Variants in PSMB8 observed in about 807,000 individuals in gnomAD.
PSMB8 encodes proteasome subunit beta type-8.
Under a neutral mutation model 32.3 loss-of-function variants are expected in PSMB8, and 20 were observed. The ratio of observed to expected loss-of-function variants is 0.62; its 90% CI spans 0.44 to 0.90. The LOEUF is 0.90. Ranked by LOEUF, PSMB8 falls within the 40% of genes least tolerant of loss-of-function variation. The probability of loss-of-function intolerance (pLI) is 0.00; values close to 1 mark genes in which losing one functional copy is unlikely to be tolerated. For synonymous variants in PSMB8, 131 were observed against 135.4 expected, an observed-to-expected ratio of 0.97 and a Z score of 0.23; for missense variants, 342 against 365.4, an observed-to-expected ratio of 0.94 and a Z score of 0.52.
rs149503824 is a variant in PSMB8 at position 32,843,600 on chromosome 6, G to C, written c.147+250C>G. Among the ~76,000 whole-genome samples, 1,176 of 152,270 alleles carry C rather than the reference G, an allele frequency of 7.7e-3. 12 individuals carry two copies. The highest frequency in any genetic ancestry group is 0.027 in the African/African-American group (1,109 of 41,566). ...GCTCCACCATTTGTGTGTGGACAAG[G>C]GCAGGAAAGTTCTCTTGTCTTCCTT... On this transcript the variant is annotated intron_variant, in intron 1 of 5. Coordinates refer to ENST00000374882, the MANE Select transcript of PSMB8 (RefSeq NM_148919.4).
At chr6:32,843,821 A>G in intron 1 of PSMB8, 29 bp downstream of exon 1, 1 of 1,611,542 alleles carries the variant, frequency 6.2e-7, no homozygotes, top group Non-Finnish European at 8.5e-7. Context: ...GCCTCCCTGC[A>G]TCCCTAGGGG....
At chr6:32,843,787 G>C in intron 1 of PSMB8, 63 bp downstream of exon 1, 1 of 1,596,914 alleles carries the variant, frequency 6.3e-7, no homozygotes. Context: ...CTCCTCTCAG[G>C]CGACCCTCCA....
chr6:32,842,113 T>C, intron 4 of PSMB8, 21 bp downstream of exon 4: 2 of 1,613,034 alleles, frequency 1.2e-6, no homozygotes, highest in Non-Finnish European at 1.7e-6. Flanking sequence ...TGGGGGAACA[T>C]GAAGAATGGA....
rs1769954710 is a variant in PSMB8 at position 32,842,236 on chromosome 6, AC to A, written c.434del (p.Arg145LeufsTer14). The A allele has an allele frequency of 6.2e-7, 1 of 1,613,040 alleles. No homozygotes were observed. Among genetic ancestry groups the A allele is most frequent in the African/African-American group, 1.3e-5 (1 of 74,956 alleles). On this transcript the variant is annotated frameshift_variant, in exon 4 of 6. Coordinates refer to ENST00000374882, the MANE Select transcript of PSMB8 (RefSeq NM_148919.4). LOFTEE classifies it high-confidence loss of function. ...GCTTGGAGGCTGCCGACACTGAAAT[AC>A]GTTCTCCATTTCGCAGATAGTACAG... ...CRLYYLRNGE[R>X]ISVSAASKLL...
chr6:32,842,673 T>A lies in PSMB8; in HGVS notation c.406A>T (p.Arg136Trp). ...YWERLLAKEC[R>W]LYYLRNGERI... is the part of the protein sequence containing the mutation. The stretch of plus-strand genomic sequence containing the variant: ...AGGAAGATGAGAGGCCTCGCTTACC[T>A]GCATTCCTTGGCCAGCAGGCGCTCC... The change falls in exon 3 of 6, where the codon AGG becomes TGG. Residue 136 changes from arginine to tryptophan, a missense_variant and splice_region_variant. Physicochemically the swap from Arg to Trp is moderately radical, Grantham distance 101 (BLOSUM62 -3). Transcript: ENST00000374882. 1 of 1,613,068 alleles carries A rather than the reference T, an allele frequency of 6.2e-7. No homozygotes were observed. Among genetic ancestry groups the A allele is most frequent in the Non-Finnish European group, 8.5e-7 (1 of 1,179,220 alleles).
In PSMB8 at chr6:32,841,538, A is replaced by G. The variant is rs777551808; in HGVS notation, c.735T>C (p.Val245=). 3.7e-6 allele frequency: 6 copies of G among 1,612,070 alleles called. No homozygotes were observed. In the Admixed American group the frequency reaches 8.3e-5, roughly 22 times the overall value. Residue 245 remains valine (V), a synonymous_variant, in exon 5 of 6, where the codon GTT becomes GTC. Transcript: ENST00000374882. ...ATHRDSYSGG[V]VNMYHMKEDG... is the part of the protein sequence containing the mutation. The stretch of plus-strand genomic sequence containing the variant: ...GGAGCATTGGTCTCTTACTATTGAC[A>G]ACGCCTCCAGAATAGCTGTCTCTGT...
At position 32,843,048 on chromosome 6, in the gene PSMB8, C is replaced by A. The variant is rs752051688; in HGVS notation, c.189G>T (p.Arg63Ser). Residue 63 changes from arginine (R) to serine (S), a missense_variant, in exon 2 of 6, where the codon AGG becomes AGT. Arg to Ser is a moderately radical substitution (Grantham distance 110, BLOSUM62 -1). Transcript: ENST00000374882. Reference sequence around the variant, plus strand: ...CATGGGCCATCTCAATCTGAACGTTCCTTTCTCCGTCCCCACCCAGGGACT... The same window carrying A: ...CATGGGCCATCTCAATCTGAACGTTACTTTCTCCGTCCCCACCCAGGGACT... ...FFQSLGGDGERNVQIEMAHGT... is the reference protein window; with the variant it reads ...FFQSLGGDGESNVQIEMAHGT... 4 of 1,613,098 alleles carry A rather than the reference C, an allele frequency of 2.5e-6. No homozygotes were observed. In the Admixed American group the frequency reaches 5.0e-5, roughly 20 times the overall value.
intron 5 of PSMB8, 47 bp downstream of exon 5, chr6:32,841,484 C>A: frequency 6.3e-7 from 1 of 1,587,302 alleles, no homozygotes; most frequent in South Asian, 1.1e-5. Flanking sequence ...CCCCCCACCA[C>A]CCGCCGACTC....
In PSMB8 at chr6:32,842,664, TC is replaced by T. The variant is rs1769989259; in HGVS notation, c.407+7del. The T allele has an allele frequency of 2.5e-6, 4 of 1,608,956 alleles. No individual in the cohort carries two copies. In the South Asian group the frequency reaches 4.4e-5, roughly 18 times the overall value. ...GGCTAAGAAAGGAAGATGAGAGGCC[TC>T]GCTTACCTGCATTCCTTGGCCAGCA... On this transcript the variant is annotated splice_region_variant and intron_variant, in intron 3 of 5. Transcript: ENST00000374882.
At chr6:32,842,531 T>A in intron 3 of PSMB8, 141 bp downstream of exon 3, 1 of 910,342 alleles carries the variant, frequency 1.1e-6, no homozygotes, top group South Asian at 1.4e-5. Context: ...GGGAGAAGGG[T>A]CTTATCACCA....
upstream of PSMB8, chr6:32,844,185 G>C (rs562152583): frequency 5.8e-5 from 90 of 1,546,280 alleles, no homozygotes; most frequent in African/African-American, 5.3e-4. Flanking sequence ...TATGGGGGTC[G>C]GGGGAATGAT....
chr6:32,841,499 C>T (rs768133070), intron 5 of PSMB8, 32 bp downstream of exon 5: 1 of 1,604,844 alleles, frequency 6.2e-7, no homozygotes, highest in Non-Finnish European at 8.5e-7. Context: ...CGACTCCTCC[C>T]AGGCATGGTG....
In PSMB8 at chr6:32,841,039, T is replaced by C; in HGVS notation, c.751A>G (p.Met251Val). 1 of 1,609,022 alleles carries C rather than the reference T, an allele frequency of 6.2e-7. No homozygotes were observed. The highest frequency in any genetic ancestry group is 8.5e-7 in the Non-Finnish European group (1 of 1,175,286). The change falls in exon 6 of 6, where the codon ATG becomes GTG. Residue 251 changes from methionine (M) to valine (V), a missense_variant. Physicochemically the swap from Met to Val is conservative, Grantham distance 21 (BLOSUM62 1). Coordinates refer to ENST00000374882, the MANE Select transcript of PSMB8 (RefSeq NM_148919.4). Reference sequence around the variant, plus strand: ...ACTTTCACCCAACCATCTTCCTTCATGTGGTACACTGTGGACAAATGAGAA... The same window carrying C: ...ACTTTCACCCAACCATCTTCCTTCACGTGGTACACTGTGGACAAATGAGAA... ...YSGGVVNMYH[M>V]KEDGWVKVES...
Position 32,841,059 on chromosome 6 carries a change from T to G in PSMB8, c.743-12A>C. The G allele has an allele frequency of 1.3e-6, 2 of 1,598,024 alleles. No individual in the cohort carries two copies. Among genetic ancestry groups the G allele is most frequent in the Non-Finnish European group, 1.7e-6 (2 of 1,165,348 alleles). The stretch of plus-strand genomic sequence containing the variant: ...CTTCATGTGGTACACTGTGGACAAA[T>G]GAGAAAAGAACATGGAGTCACCTTT... On this transcript the variant is annotated splice_polypyrimidine_tract_variant and intron_variant, in intron 5 of 5. Transcript: ENST00000374882.
At position 32,843,149 on chromosome 6, in the gene PSMB8, GA is replaced by G; in HGVS notation, c.148-61del. The G allele has an allele frequency of 1.9e-6, 3 of 1,592,576 alleles. No individual in the cohort carries two copies. The South Asian group carries it at 3.3e-5, about 18-fold the overall frequency. On this transcript the variant is annotated intron_variant, in intron 1 of 5. Transcript: ENST00000374882. ...AAAATTCTGTAGTAAGAGGCTCCAG[GA>G]AAAGGTTTTAGGGAGTATGAGGGTG...
At chr6:32,841,079 A>C in intron 5 of PSMB8, 32 bp from the exon 6 acceptor site, 1 of 1,546,708 alleles carries the variant, frequency 6.5e-7, no homozygotes, top group Non-Finnish European at 8.9e-7. Flanking sequence ...ACATGGAGTC[A>C]CCTTTCACCT....
At chr6:32,844,221 G>T (rs1024704966), upstream of PSMB8, 2 of 1,602,644 alleles carry the variant, frequency 1.2e-6, no homozygotes, top group South Asian at 2.2e-5. Flanking sequence ...CGAAGAAAGC[G>T]AGAAAGGAAC....
chr6:32,841,986 G>T, intron 4 of PSMB8, 148 bp downstream of exon 4: 3 of 1,252,464 alleles, frequency 2.4e-6, no homozygotes, highest in Non-Finnish European at 3.4e-6. Context: ...CCAATAAATA[G>T]TCCATGGATA....
intron 1 of PSMB8, 107 bp downstream of exon 1, chr6:32,843,743 C>G (rs954943173): frequency 1.8e-4 from 250 of 1,422,740 alleles, no homozygotes; most frequent in Non-Finnish European, 1.4e-4. Flanking sequence ...AAGGCTACCC[C>G]CGACCCTGTA....
Sources: allele counts gnomAD v4.1 joint callset (sites outside exome capture counted in the v4.1 genomes callset), GRCh38; gene constraint gnomAD v4.1.1; transcripts MANE v1.5; gene names NCBI Gene and HGNC (gene_info 2026-07-23, HGNC 2026-07-21).